Variants in SCP2 observed in about 807,000 individuals in gnomAD.
SCP2 encodes the protein SCP-2/3-oxoacyl-CoA thiolase.
Under a neutral mutation model 71.4 loss-of-function variants are expected in SCP2, and 48 were observed. The observed-to-expected ratio is 0.67, with a 90% CI of 0.53 to 0.86. The LOEUF (loss-of-function observed/expected upper bound fraction) is 0.86. Among genes scored for constraint, SCP2 ranks in the 40% least tolerant of loss-of-function variants. SCP2 has a pLI of 0.00. For synonymous variants in SCP2, 220 were observed against 218.1 expected, an observed-to-expected ratio of 1.01 and a Z score of -0.08; for missense variants, 560 against 655.6, an observed-to-expected ratio of 0.85 and a Z score of 1.59.
intron 11 of SCP2, chr1:52,994,972 CAGG>C (rs1392092209): frequency 2.0e-6 from 1 of 512,404 alleles, no homozygotes; most frequent in Non-Finnish European, 3.9e-6. Flanking sequence ...CCCTTTTGGC[CAGG>C]TGCTTAAACC....
At chr1:52,982,101 A>G (rs530862266) in intron 10 of SCP2, among the ~76,000 whole-genome samples, 1 of 151,936 alleles carries the variant, frequency 6.6e-6, no homozygotes, top group South Asian at 2.1e-4. Context: ...TGGTTTATCA[A>G]CCTTGGCACT....
At chr1:53,009,959 C>T (rs1205580109) in intron 11 of SCP2, among the ~76,000 whole-genome samples, 8 of 151,918 alleles carry the variant, frequency 5.3e-5, no homozygotes, top group South Asian at 2.1e-4. Context: ...CATCAAAAAG[C>T]GGGAGAAGGA....
intron 12 of SCP2, among the ~76,000 whole-genome samples, chr1:53,018,074 T>C (rs1239871978): frequency 6.6e-6 from 1 of 152,060 alleles, no homozygotes; most frequent in Non-Finnish European, 1.5e-5. Context: ...AGGCTGGTCT[T>C]GAACTCCTGA....
chr1:52,942,674 T>C (rs1654368373), intron 2 of SCP2, among the ~76,000 whole-genome samples: 2 of 151,670 alleles, frequency 1.3e-5, no homozygotes, highest in African/African-American at 2.4e-5. Flanking sequence ...AATGCTGGCA[T>C]TGCCAGAAAA....
intron 5 of SCP2, among the ~76,000 whole-genome samples, chr1:52,958,102 T>C (rs955184063): frequency 1.3e-5 from 2 of 152,260 alleles, no homozygotes; most frequent in Non-Finnish European, 2.9e-5. Context: ...CTCTTTATTC[T>C]GTGCCATTTA....
chr1:52,989,036 T>G (rs1659240935), intron 11 of SCP2, among the ~76,000 whole-genome samples: 1 of 152,072 alleles, frequency 6.6e-6, no homozygotes, highest in South Asian at 2.1e-4. Flanking sequence ...AATAGTGTTA[T>G]GCCATTTTGT....
intron 6 of SCP2, among the ~76,000 whole-genome samples, chr1:52,970,355 T>C (rs1657355235): frequency 1.3e-5 from 2 of 152,174 alleles, no homozygotes; most frequent in Non-Finnish European, 2.9e-5. Flanking sequence ...GCTCAGGCAA[T>C]ACTCCTGTCT....
intron 7 of SCP2, among the ~76,000 whole-genome samples, chr1:52,975,666 C>T (rs944885770): frequency 5.9e-5 from 9 of 152,148 alleles, no homozygotes; most frequent in Admixed American, 2.0e-4. Context: ...ATAATATTAT[C>T]GGCTCAAAAG....
At chr1:52,961,838 T>A (rs1210080882) in intron 6 of SCP2, among the ~76,000 whole-genome samples, 1 of 152,122 alleles carries the variant, frequency 6.6e-6, no homozygotes, top group Non-Finnish European at 1.5e-5. Context: ...GTACCTAGAG[T>A]ACTCTATAGC....
chr1:53,015,860 C>T (rs904366651), intron 12 of SCP2, among the ~76,000 whole-genome samples: 1 of 152,142 alleles, frequency 6.6e-6, no homozygotes, highest in Non-Finnish European at 1.5e-5. Context: ...TCAGGTAAGG[C>T]CACCAGGATC....
intron 11 of SCP2, among the ~76,000 whole-genome samples, chr1:53,007,855 C>G (rs544173516): frequency 3.3e-5 from 5 of 151,840 alleles, no homozygotes; most frequent in Admixed American, 2.6e-4. Context: ...TTTTTTGAAG[C>G]GATCAACAAA....
chr1:52,929,350 T>C (rs1405221842), intron 1 of SCP2, among the ~76,000 whole-genome samples: 1 of 152,012 alleles, frequency 6.6e-6, no homozygotes, highest in African/African-American at 2.4e-5. Flanking sequence ...ACCTGGCTAA[T>C]TAAAAAAAAA....
intron 12 of SCP2, 36 bp downstream of exon 12, chr1:53,015,079 CCTT>C (rs896667201): frequency 3.1e-6 from 5 of 1,597,312 alleles, no homozygotes; most frequent in South Asian, 1.1e-5. Flanking sequence ...GTCAGTTAAT[CCTT>C]CTGACTTTTC....
intron 2 of SCP2, among the ~76,000 whole-genome samples, chr1:52,942,572 A>G (rs554535612): frequency 2.4e-4 from 37 of 152,222 alleles, no homozygotes; most frequent in African/African-American, 8.7e-4. Flanking sequence ...TTTTAAAAAA[A>G]GGGGACAAGT....
intron 11 of SCP2, among the ~76,000 whole-genome samples, chr1:52,999,139 G>A (rs371263617): frequency 1.3e-5 from 2 of 152,318 alleles, no homozygotes; most frequent in East Asian, 3.9e-4. Flanking sequence ...AGTCTGAATA[G>A]GGATGAGGAA....
rs1448292973 is a variant in SCP2 at position 52,980,396 on chromosome 1, G to A, written c.826G>A (p.Val276Ile). The A allele has an allele frequency of 6.2e-7, 1 of 1,613,830 alleles. No homozygotes were observed. Among genetic ancestry groups the A allele is most frequent in the South Asian group, 1.1e-5 (1 of 90,992 alleles). Residue 276 changes from valine to isoleucine, a missense_variant and splice_region_variant, in exon 10 of 16, where the codon GTT becomes ATT. This residue lies in a region of SCP2 where 513 missense variants were observed against 573.1 expected (regional missense o/e 0.90). Coordinates refer to ENST00000371514, the MANE Select transcript of SCP2 (RefSeq NM_002979.5). ...TATTTATATATGGTTTTGGTTTTAG[G>A]TTGGCTTTGATATGAGTAAAGAAGC... The part of the protein sequence containing the change: ...SFEEKSIIKM[V>I]GFDMSKEAAR...
intron 3 of SCP2, among the ~76,000 whole-genome samples, chr1:52,950,347 C>T (rs947365479): frequency 6.6e-6 from 1 of 152,172 alleles, no homozygotes; most frequent in Non-Finnish European, 1.5e-5. Context: ...GTTTCGACCT[C>T]CTGACCGCGT....
intron 6 of SCP2, among the ~76,000 whole-genome samples, chr1:52,969,753 G>A (rs1331460815): frequency 2.0e-5 from 3 of 152,168 alleles, no homozygotes; most frequent in Non-Finnish European, 4.4e-5. Context: ...CCTGGGAGGT[G>A]GAGGTTGCAG....
chr1:52,960,461 A>C (rs2150140246), intron 5 of SCP2, among the ~76,000 whole-genome samples: 1 of 145,262 alleles, frequency 6.9e-6, no homozygotes, highest in South Asian at 2.2e-4. Context: ...ATGACCCACC[A>C]TGCCTGGCTA....
Sources: gnomAD v4.1 joint callset for allele counts (sites outside exome capture counted in the v4.1 genomes callset) on GRCh38, gnomAD v4.1.1 for gene constraint, gnomAD v4.1.1 regional missense constraint, MANE v1.5 for transcripts, NCBI Gene and HGNC (gene_info 2026-07-23, HGNC 2026-07-21) for gene names.